CMPK2: variants seen among roughly 807,000 people sequenced by gnomAD.
The protein encoded by CMPK2 is UMP-CMP kinase 2, mitochondrial.
In CMPK2, 32 loss-of-function variants were observed where a neutral mutation model predicts 33.4. The ratio of observed to expected loss-of-function variants is 0.96; its 90% confidence interval spans 0.72 to 1.29. CMPK2 has a LOEUF of 1.29. CMPK2 is among the 50% of genes most tolerant of loss of function. The probability of loss-of-function intolerance (pLI) is 0.00; values close to 1 mark genes in which losing one functional copy is unlikely to be tolerated. For missense variants in CMPK2, 672 were observed against 616.0 expected, an observed-to-expected ratio of 1.09 and a Z score of -0.96; for synonymous variants, 299 against 275.3, an observed-to-expected ratio of 1.09 and a Z score of -0.85.
intron 3 of CMPK2, among the ~76,000 whole-genome samples, chr2:6,858,065 C>T (rs549501110): frequency 6.6e-6 from 1 of 152,332 alleles, no homozygotes; most frequent in African/African-American, 2.4e-5. Context: ...CATTCATCCA[C>T]AAAGCACCTC....
rs1344545771 is a variant in CMPK2, at chr2:6,865,297, G to T, written c.400C>A (p.Arg134Ser). ...AGGAQQGFLL[R>S]DPLDDPDTRQ... ...GTGTCAGGGTCATCCAGGGGGTCGC[G>T]CAGCAGGAAGCCTTGCTGTGCGCCG... The change falls in exon 1 of 5, where the codon CGC becomes AGC. Residue 134 changes from arginine (R) to serine (S), a missense_variant. Coordinates refer to ENST00000256722, the MANE Select transcript of CMPK2 (RefSeq NM_207315.4). 6.6e-7 allele frequency: 1 copy of T among 1,525,028 alleles called. No individual in the cohort carries two copies. The highest frequency in any genetic ancestry group is 1.2e-5 in the South Asian group (1 of 83,326). The allele number at this position is 1,525,028 out of a possible 1,614,324, so 94.5% of individuals were successfully genotyped here. A position where few individuals can be genotyped will look rare whatever the true frequency, so the allele number is the denominator to read the frequency against.
chr2:6,847,623 C>G (rs1487760755), downstream of CMPK2, among the ~76,000 whole-genome samples: 1 of 152,178 alleles, frequency 6.6e-6, no homozygotes, highest in Non-Finnish European at 1.5e-5. Context: ...TCTCTGGGGA[C>G]CCTTCCCTTG....
chr2:6,849,934 G>A lies in CMPK2; in HGVS notation c.1266C>T (p.Cys422=), dbSNP rs1442155692. ...TGGAGGGGCTGGCATCAACCACATG[G>A]CAGCCAGGATTCTCCATCCGCTGGT... The part of the protein sequence containing the change: ...MSYQRMENPG[C]HVVDASPSRE... The change falls in exon 5 of 5, where the codon TGC becomes TGT. Residue 422 remains cysteine (C), a synonymous_variant. Coordinates refer to ENST00000256722, the MANE Select transcript of CMPK2 (RefSeq NM_207315.4). 1.2e-6 allele frequency: 2 copies of A among 1,613,966 alleles called. No homozygotes were observed. Among genetic ancestry groups the A allele is most frequent in the Non-Finnish European group, 1.7e-6 (2 of 1,179,996 alleles).
chr2:6,843,062 T>C (rs1389744494), intron 3 of CMPK2, among the ~76,000 whole-genome samples: 2 of 152,176 alleles, frequency 1.3e-5, no homozygotes, highest in African/African-American at 4.8e-5. Flanking sequence ...AATCTGAGGA[T>C]GAGAGAATTC....
chr2:6,852,161 C>A (rs962243247), intron 3 of CMPK2, among the ~76,000 whole-genome samples: 1 of 152,200 alleles, frequency 6.6e-6, no homozygotes, highest in Non-Finnish European at 1.5e-5. Context: ...GAGGTAGAAG[C>A]CTCTTTGTTT....
chr2:6,848,830 A>G lies in CMPK2; in HGVS notation c.*1020T>C. On this transcript the variant is annotated 3_prime_UTR_variant, in exon 5 of 5. Coordinates refer to ENST00000256722, the MANE Select transcript of CMPK2 (RefSeq NM_207315.4). Reference sequence around the variant, plus strand: ...TCTAAAGATATGTCAAAGCGATTTCATATGTAATCATGAGACATTCAAGTG... The same window carrying G: ...TCTAAAGATATGTCAAAGCGATTTCGTATGTAATCATGAGACATTCAAGTG... 1 of 985,830 alleles carries G rather than the reference A, an allele frequency of 1.0e-6. No individual in the cohort carries two copies. 61.1% of individuals were successfully genotyped at this position (985,830 alleles called of 1,614,324 possible). A position where few individuals can be genotyped will look rare whatever the true frequency, so the allele number is the denominator to read the frequency against.
Position 6,865,549 on chromosome 2 carries a change from C to T in CMPK2, c.148G>A (p.Asp50Asn), listed in dbSNP as rs1325652898. 4 of 1,311,698 alleles carry T rather than the reference C, an allele frequency of 3.0e-6. No homozygotes were observed. Among genetic ancestry groups the T allele is most frequent in the South Asian group, 2.1e-5 (1 of 46,980 alleles). The allele number at this position is 1,311,698 out of a possible 1,614,324, so 81.3% of individuals were successfully genotyped here. ...GGGGCGTCTGCGTCGCCGGGGGCGT[C>T]GGCGCCTAGGGCGAAGTGAGCCAGG... ...CTLAHFALGA[D>N]APGDADAPDP... The change falls in exon 1 of 5, where the codon GAC (aspartate) becomes AAC (asparagine). Residue 50 changes from aspartate (D) to asparagine (N), a missense_variant. Asp to Asn is a conservative substitution (Grantham distance 23). Transcript: ENST00000256722.
chr2:6,857,728 G>A (rs1662756357), intron 3 of CMPK2, among the ~76,000 whole-genome samples: 1 of 148,452 alleles, frequency 6.7e-6, no homozygotes, highest in Non-Finnish European at 1.5e-5. Flanking sequence ...TCCACCCCCT[G>A]GGGTTCATGC....
At chr2:6,840,635 G>A (rs1325758860) in exon 4 of CMPK2, 9 of 702,168 alleles carry the variant, frequency 1.3e-5, no homozygotes, top group Non-Finnish European at 2.3e-5. Context: ...TCACTGCCGA[G>A]CAGGTGGAGA....
chr2:6,863,340 C>A (rs917632821), intron 2 of CMPK2, 124 bp downstream of exon 2: 5 of 738,726 alleles, frequency 6.8e-6, no homozygotes, highest in African/African-American at 1.7e-5. Context: ...TAGCACAGGG[C>A]CTGCCACACA....
intron 2 of CMPK2, among the ~76,000 whole-genome samples, chr2:6,861,673 C>A (rs1357917090): frequency 6.6e-6 from 1 of 152,164 alleles, no homozygotes; most frequent in South Asian, 2.1e-4. Context: ...TACTGCTCAC[C>A]CTCTTACCAT....
intron 1 of CMPK2, among the ~76,000 whole-genome samples, chr2:6,863,943 C>G (rs1297250676): frequency 2.6e-5 from 4 of 152,226 alleles, no homozygotes; most frequent in Admixed American, 2.0e-4. Context: ...ATCAGCTGCA[C>G]AGTGGGCTGG....
intron 3 of CMPK2, among the ~76,000 whole-genome samples, chr2:6,860,291 T>C (rs1662832964): frequency 6.6e-6 from 1 of 152,046 alleles, no homozygotes; most frequent in Admixed American, 6.6e-5. Context: ...GAGTTAAGAG[T>C]TGTGGGACTG....
At chr2:6,864,005 G>A (rs1207762166) in intron 1 of CMPK2, among the ~76,000 whole-genome samples, 1 of 152,238 alleles carries the variant, frequency 6.6e-6, no homozygotes, top group Non-Finnish European at 1.5e-5. Flanking sequence ...TCAGGGGGCT[G>A]AGATAAACAG....
At chr2:6,844,164 G>A (rs939146953), downstream of CMPK2, among the ~76,000 whole-genome samples, 5 of 152,118 alleles carry the variant, frequency 3.3e-5, no homozygotes, top group Non-Finnish European at 1.5e-5. Context: ...TGCACCTGGG[G>A]GATTCTGGAT....
At position 6,861,097 on chromosome 2, in the gene CMPK2, C is replaced by T. The variant is rs1189422400; in HGVS notation, c.992+87G>A. ...CCTGGCATATACATGTACGTATACA[C>T]ACACACGCACACACACACACACACA... is the stretch of plus-strand genomic sequence containing the variant. On this transcript the variant is annotated intron_variant, in intron 3 of 4. Coordinates refer to ENST00000256722, the MANE Select transcript of CMPK2 (RefSeq NM_207315.4). 256 of 46,022 alleles carry T rather than the reference C, an allele frequency of 5.6e-3. 2 individuals carry two copies. Among genetic ancestry groups the T allele is most frequent in the Middle Eastern group, 0.01 (4 of 382 alleles). 2.9% of individuals were successfully genotyped at this position (46,022 alleles called of 1,614,324 possible).
chr2:6,847,583 G>T (rs576029219), downstream of CMPK2, among the ~76,000 whole-genome samples: 37 of 152,260 alleles, frequency 2.4e-4, no homozygotes, highest in African/African-American at 8.7e-4. Context: ...ACATTATGTG[G>T]GGTGAGGCAC....
downstream of CMPK2, among the ~76,000 whole-genome samples, chr2:6,847,375 C>T (rs1308607582): frequency 6.6e-6 from 1 of 152,230 alleles, no homozygotes; most frequent in African/African-American, 2.4e-5. Flanking sequence ...AGCCTGCTGA[C>T]TATACAAAGG....
At chr2:6,861,464 C>T in intron 2 of CMPK2, 79 bp from the exon 3 acceptor site, 1 of 1,034,874 alleles carries the variant, frequency 9.7e-7, no homozygotes, top group South Asian at 1.4e-5. Flanking sequence ...CACAGACGTT[C>T]TCTCAAACTG....
Sources: gnomAD v4.1 joint callset for allele counts (sites outside exome capture counted in the v4.1 genomes callset) on GRCh38, gnomAD v4.1.1 for gene constraint, MANE v1.5 for transcripts, NCBI Gene and HGNC (gene_info 2026-07-23, HGNC 2026-07-21) for gene names.